The following RUNX1 variants were observed in gnomAD, a reference collection of about 807,000 sequenced individuals.
RUNX1 encodes the protein runt-related transcription factor 1.
In RUNX1, 19 loss-of-function variants were observed where a neutral mutation model predicts 42.8. That is an observed-to-expected ratio of 0.44 (90% CI 0.31 to 0.65). The LOEUF is 0.65. Ranked by LOEUF, RUNX1 falls within the 30% of genes least tolerant of loss-of-function variation. The probability of loss-of-function intolerance (pLI) is 0.07; values close to 1 mark genes in which losing one functional copy is unlikely to be tolerated. For missense variants in RUNX1, 528 were observed against 672.0 expected (o/e 0.79, Z 2.37); for synonymous variants, 271 against 289.4 (o/e 0.94, Z 0.64).
intron 7 of RUNX1, chr21:34,821,332 T>C: frequency 8.5e-7 from 1 of 1,172,592 alleles, no homozygotes; most frequent in Non-Finnish European, 1.1e-6. Flanking sequence ...TGTACCGGGA[T>C]CCATGCTAAA....
intron 2 of RUNX1, 47 bp from the exon 3 acceptor site, chr21:34,893,010 A>C: frequency 1.5e-6 from 2 of 1,331,648 alleles, no homozygotes; most frequent in South Asian, 2.4e-5. Context: ...AAGTTTAAAA[A>C]TTAACTTTCC....
chr21:34,836,608 C>T (rs190883911), intron 6 of RUNX1, among the ~76,000 whole-genome samples: 61 of 152,270 alleles, frequency 4.0e-4, no homozygotes, highest in Non-Finnish European at 5.7e-4. Flanking sequence ...CCTGGCATTA[C>T]GAGTTGGGGT....
chr21:34,792,330 G>A lies in RUNX1; in HGVS notation c.1248C>T (p.Phe416=). 6.4e-7 allele frequency: 1 copy of A among 1,553,884 alleles called. No individual in the cohort carries two copies. Among genetic ancestry groups the A allele is most frequent in the Non-Finnish European group, 8.7e-7 (1 of 1,149,260 alleles). Residue 416 remains phenylalanine (F), a synonymous_variant, in exon 9 of 9, where the codon TTC becomes TTT. Coordinates refer to ENST00000675419, the MANE Select transcript of RUNX1 (RefSeq NM_001754.5). This position sits in a 1 kb window ranked among gnomAD's most constrained non-coding sequence, Gnocchi z 6.9. ...YYGASAGSYQ[F]SMVGGERSPP... is the part of the protein sequence containing the mutation. ...GCGAGCGCTCGCCGCCCACCATGGA[G>A]AACTGGTAGGAGCCGGCCGAGGCGC...
At chr21:34,808,501 G>A (rs2056714167) in intron 7 of RUNX1, among the ~76,000 whole-genome samples, 1 of 152,100 alleles carries the variant, frequency 6.6e-6, no homozygotes, top group Admixed American at 6.5e-5. Flanking sequence ...CAAGAATGCT[G>A]GTTCCTCACA....
At chr21:34,800,258 G>A (rs551526629) in intron 7 of RUNX1, among the ~76,000 whole-genome samples, 2 of 152,282 alleles carry the variant, frequency 1.3e-5, no homozygotes, top group Admixed American at 6.5e-5. Context: ...TGACTCCAGC[G>A]TTCAAAGGAG....
intron 2 of RUNX1, among the ~76,000 whole-genome samples, chr21:34,946,575 T>TA (rs1394806964): frequency 3.3e-5 from 5 of 151,248 alleles, no homozygotes; most frequent in South Asian, 2.1e-4. Flanking sequence ...ATGTGCTATA[T>TA]AAAAAAAAAG....
intron 2 of RUNX1, among the ~76,000 whole-genome samples, chr21:35,007,863 C>T (rs779313798): frequency 6.6e-6 from 1 of 152,120 alleles, no homozygotes; most frequent in Non-Finnish European, 1.5e-5. Context: ...TTTCATGTTC[C>T]AGCTTTAAAA....
chr21:35,014,168 A>G (rs539030859), intron 2 of RUNX1, among the ~76,000 whole-genome samples: 1 of 152,322 alleles, frequency 6.6e-6, no homozygotes, highest in South Asian at 2.1e-4. Context: ...TTAAAAATTA[A>G]TATCTTAGTT....
chr21:34,795,888 TGTC>T (rs1230191073), intron 8 of RUNX1, among the ~76,000 whole-genome samples: 1 of 152,244 alleles, frequency 6.6e-6, no homozygotes, highest in Non-Finnish European at 1.5e-5. Context: ...GTCAGTTTGT[TGTC>T]ATCTGATGCA....
rs1439589226 is a variant in RUNX1, at chr21:34,788,120, A to G, written c.*4015T>C. 1.7e-5 allele frequency: 4 copies of G among 233,192 alleles called. No homozygotes were observed. Among genetic ancestry groups the G allele is most frequent in the African/African-American group, 8.8e-5 (4 of 45,342 alleles). The allele number at this position is 233,192 out of a possible 1,614,324, so 14.4% of individuals were successfully genotyped here. On this transcript the variant is annotated 3_prime_UTR_variant, in exon 9 of 9. Coordinates refer to ENST00000675419, the MANE Select transcript of RUNX1 (RefSeq NM_001754.5). The stretch of plus-strand genomic sequence containing the variant: ...CCAGCTTGACAGTTCCCCTTTAAGA[A>G]GCATTCCATACGTTTGTACCAGGGA...
At chr21:34,855,665 T>C (rs1321948580) in intron 6 of RUNX1, among the ~76,000 whole-genome samples, 1 of 152,146 alleles carries the variant, frequency 6.6e-6, no homozygotes, top group Non-Finnish European at 1.5e-5. Flanking sequence ...GCCGAGATTG[T>C]GCCACTGCAC....
intron 2 of RUNX1, among the ~76,000 whole-genome samples, chr21:34,948,293 C>T (rs747990034): frequency 7.9e-5 from 12 of 152,318 alleles, no homozygotes; most frequent in Admixed American, 2.0e-4. Flanking sequence ...AACCTGACCT[C>T]ACGGGGCCAT....
At chr21:35,008,252 C>T (rs1209375224) in intron 2 of RUNX1, among the ~76,000 whole-genome samples, 1 of 152,212 alleles carries the variant, frequency 6.6e-6, no homozygotes, top group African/African-American at 2.4e-5. Flanking sequence ...GCCATGTACA[C>T]ATTCGAGTTG....
intron 2 of RUNX1, among the ~76,000 whole-genome samples, chr21:34,906,289 G>A (rs1206546926): frequency 6.6e-6 from 1 of 152,138 alleles, no homozygotes; most frequent in East Asian, 1.9e-4. Context: ...GGGTTGGTTC[G>A]TCACTAGGAA....
chr21:34,856,496 A>T lies in RUNX1; in HGVS notation c.613+2978T>A, dbSNP rs748608958. On this transcript the variant is annotated intron_variant, in intron 6 of 8. Coordinates refer to ENST00000675419, the MANE Select transcript of RUNX1 (RefSeq NM_001754.5). ...TACAGACAGTATGGTATGGATAGAG[A>T]GATGAACAGATGAATGGACAGGTAG... The T allele has an allele frequency of 3.4e-4, 174 of 511,912 alleles. 3 individuals carry two copies. The highest frequency in any genetic ancestry group is 2.4e-3 in the South Asian group (171 of 70,520). The allele number at this position is 511,912 out of a possible 1,614,324, so 31.7% of individuals were successfully genotyped here. A position where few individuals can be genotyped will look rare whatever the true frequency, so the allele number is the denominator to read the frequency against.
chr21:35,030,200 G>A lies in RUNX1; in HGVS notation c.58+18642C>T, dbSNP rs373760900. ...CTACTAAAAATACAAAAAATTAGCC[G>A]GGCATGGCGGTGTGCACCTGTAATC... is the stretch of plus-strand genomic sequence containing the variant. On this transcript the variant is annotated intron_variant, in intron 2 of 8. Transcript: ENST00000675419. Among the ~76,000 whole-genome samples, 381 of 152,238 alleles carry A rather than the reference G, an allele frequency of 2.5e-3. 1 individual carries two copies. The highest frequency in any genetic ancestry group is 8.7e-3 in the African/African-American group (361 of 41,530).
intron 2 of RUNX1, among the ~76,000 whole-genome samples, chr21:34,925,032 G>C (rs2058382730): frequency 6.6e-6 from 1 of 151,390 alleles, no homozygotes; most frequent in Admixed American, 6.6e-5. Context: ...TGGGGTGTTA[G>C]GGCTTCAACA....
chr21:34,810,752 A>T (rs2056747810), intron 7 of RUNX1, among the ~76,000 whole-genome samples: 1 of 152,138 alleles, frequency 6.6e-6, no homozygotes, highest in Non-Finnish European at 1.5e-5. Flanking sequence ...AGTAGCTGGC[A>T]CCTTGAAGGC....
rs576213243 is a variant in RUNX1 at position 34,861,777 on chromosome 21, C to T, written c.509-2199G>A. Among the ~76,000 whole-genome samples the T allele has an allele frequency of 7.9e-5, 12 of 152,306 alleles. No homozygotes were observed. In the East Asian group the frequency reaches 2.1e-3, roughly 27 times the overall value. On this transcript the variant is annotated intron_variant, in intron 5 of 8. Coordinates refer to ENST00000675419, the MANE Select transcript of RUNX1 (RefSeq NM_001754.5). ...CCTTCAGCATCTGGCAACGGGCAGT[C>T]ACTCAGTCACTTGTTTTCCAGGCAG...
Sources: allele counts gnomAD v4.1 joint callset (sites outside exome capture counted in the v4.1 genomes callset), GRCh38; gene constraint gnomAD v4.1.1; non-coding constraint Gnocchi (gnomAD v3.1); transcripts MANE v1.5; gene names NCBI Gene and HGNC (gene_info 2026-07-23, HGNC 2026-07-21).